The following ITFG2 variants were observed in gnomAD, a reference collection of about 807,000 sequenced individuals.
ITFG2 encodes KICSTOR complex protein ITFG2.
A neutral mutation model predicts 54.4 loss-of-function variants in ITFG2; 36 were observed. The observed-to-expected ratio is 0.66, with a 90% CI of 0.51 to 0.87. The LOEUF is 0.87. ITFG2 is among the 40% of genes least tolerant of loss of function. The probability of loss-of-function intolerance (pLI) is 0.00; values close to 1 mark genes in which losing one functional copy is unlikely to be tolerated. For missense variants in ITFG2, 524 were observed against 576.7 expected (o/e 0.91, Z 0.94); for synonymous variants, 211 against 225.4 (o/e 0.94, Z 0.57).
downstream of ITFG2, chr12:2,826,241 C>G (rs2153925457): frequency 1.3e-5 from 2 of 150,758 alleles, no homozygotes; most frequent in South Asian, 4.2e-4. Flanking sequence ...TTTGCTTTGG[C>G]AAAGCCTGGC....
chr12:2,855,958 C>T (rs953848950), intron 2 of ITFG2, among the ~76,000 whole-genome samples: 2 of 152,088 alleles, frequency 1.3e-5, no homozygotes, highest in Non-Finnish European at 2.9e-5. Context: ...CTCATTTGTC[C>T]GTCACTGACG....
downstream of ITFG2, chr12:2,828,487 C>G (rs1045555397): frequency 4.4e-6 from 5 of 1,143,126 alleles, no homozygotes; most frequent in African/African-American, 7.8e-5. Flanking sequence ...TTCAGTTTCC[C>G]AGCCCATTGA....
chr12:2,852,688 G>T (rs2098074879), intron 2 of ITFG2, among the ~76,000 whole-genome samples: 1 of 152,068 alleles, frequency 6.6e-6, no homozygotes, highest in African/African-American at 2.4e-5. Flanking sequence ...GACCTGTCCA[G>T]CTCAGATAGC....
downstream of ITFG2, chr12:2,826,414 C>T (rs1013601585): frequency 2.6e-5 from 4 of 151,856 alleles, no homozygotes; most frequent in African/African-American, 7.3e-5. Flanking sequence ...TCCTGTCTGC[C>T]TCACAGGAGC....
intron 2 of ITFG2, among the ~76,000 whole-genome samples, chr12:2,848,404 AC>A (rs1038725629): frequency 3.3e-5 from 5 of 151,898 alleles, no homozygotes; most frequent in African/African-American, 1.2e-4. Context: ...CCTCTACTTT[AC>A]CCCTGGTCTT....
At chr12:2,849,199 G>A in intron 2 of ITFG2, 2 of 1,515,648 alleles carry the variant, frequency 1.3e-6, no homozygotes, top group Non-Finnish European at 1.8e-6. Flanking sequence ...CTGGGGCTCT[G>A]GGTATCACGA....
intron 1 of ITFG2, among the ~76,000 whole-genome samples, chr12:2,837,974 G>A (rs1394945755): frequency 2.0e-5 from 3 of 152,278 alleles, no homozygotes; most frequent in Admixed American, 6.5e-5. Flanking sequence ...TGATAAACAC[G>A]GAAAGAAAAC....
chr12:2,849,552 CAG>C, intron 2 of ITFG2: 1 of 1,535,586 alleles, frequency 6.5e-7, no homozygotes, highest in Non-Finnish European at 8.7e-7. Flanking sequence ...ATGGAGAGAA[CAG>C]AGAGATCAAA....
At chr12:2,819,991 T>G (rs1603482951) in intron 4 of ITFG2, 95 bp from the exon 5 acceptor site, 1 of 1,466,390 alleles carries the variant, frequency 6.8e-7, no homozygotes, top group Non-Finnish European at 9.1e-7. Flanking sequence ...GCAGATCGGG[T>G]GTGAAGCCGC....
At chr12:2,815,568 A>G (rs1055576793) in intron 1 of ITFG2, among the ~76,000 whole-genome samples, 1 of 152,274 alleles carries the variant, frequency 6.6e-6, no homozygotes, top group Non-Finnish European at 1.5e-5. Context: ...GAAGGCCCCA[A>G]GAGTTCACAT....
chr12:2,830,942 C>T, downstream of ITFG2: 1 of 1,470,800 alleles, frequency 6.8e-7, no homozygotes, highest in East Asian at 2.3e-5. Context: ...TTAGATACCC[C>T]AGGATGCTCC....
At chr12:2,820,944 T>C in intron 6 of ITFG2, 72 bp downstream of exon 6, 1 of 1,517,036 alleles carries the variant, frequency 6.6e-7, no homozygotes, top group Non-Finnish European at 9.1e-7. Flanking sequence ...TGCCACATGG[T>C]AGTAAAATGG....
intron 5 of ITFG2, among the ~76,000 whole-genome samples, 173 bp downstream of exon 5, chr12:2,820,398 A>G (rs1348753277): frequency 6.6e-6 from 1 of 152,150 alleles, no homozygotes; most frequent in Non-Finnish European, 1.5e-5. Context: ...GGAAATTGCT[A>G]GTAACAGGCA....
In ITFG2 at chr12:2,845,444, C is replaced by T. The variant is rs975163004; in HGVS notation, n.300+4449C>T. Among the ~76,000 whole-genome samples the T allele has an allele frequency of 6.6e-6, 1 of 152,170 alleles. No individual in the cohort carries two copies. The highest frequency in any genetic ancestry group is 2.4e-5 in the African/African-American group (1 of 41,448). ...CGACTCCCTGGCCCCAGCCATTCCT[C>T]AAGCTCCCAGCAGCTCAGGAACTTG... On this transcript the variant is annotated intron_variant and non_coding_transcript_variant, in intron 2 of 3. Coordinates refer to the ITFG2 transcript ENST00000537710. This position sits in a 1 kb window ranked among gnomAD's most constrained non-coding sequence, Gnocchi z 4.2.
intron 2 of ITFG2, among the ~76,000 whole-genome samples, chr12:2,851,464 T>C (rs553618922): frequency 3.7e-4 from 56 of 152,200 alleles, no homozygotes; most frequent in African/African-American, 1.1e-3. Context: ...TGCCTCAGCC[T>C]CCCGAGTAGC....
intron 1 of ITFG2, among the ~76,000 whole-genome samples, chr12:2,815,327 G>T (rs2097919029): frequency 6.6e-6 from 1 of 152,234 alleles, no homozygotes; most frequent in Admixed American, 6.5e-5. Flanking sequence ...CGGAAGTGGG[G>T]TTTGAAGCCA....
In ITFG2 at chr12:2,816,546, G is replaced by A. The variant is rs553799491; in HGVS notation, c.97-677G>A. On this transcript the variant is annotated intron_variant, in intron 1 of 11. Transcript: ENST00000228799. ...GGGTTTCACTGTGTTAGCTAGGATG[G>A]TCTCAATCTCCTGACCTCATGATCC... Among the ~76,000 whole-genome samples the A allele has an allele frequency of 1.4e-3, 210 of 151,446 alleles. 1 individual carries two copies. The highest frequency in any genetic ancestry group is 4.7e-3 in the African/African-American group (195 of 41,224).
intron 2 of ITFG2, chr12:2,855,018 CTTCTTCCTT>C: frequency 1.3e-6 from 2 of 1,536,162 alleles, no homozygotes; most frequent in Admixed American, 3.9e-5. Context: ...AAATCACCTG[CTTCTTCCTT>C]TTCATGTCCA....
At position 2,842,629 on chromosome 12, in the gene ITFG2, G is replaced by T. The variant is rs1003616302; in HGVS notation, n.300+1634G>T. ...CGCCTGTAGTTCCAGCTACTCGGGAGGCTGAGGCAGGAGAATTGCTTGAGC... is the reference window on the plus strand; with the variant it reads ...CGCCTGTAGTTCCAGCTACTCGGGATGCTGAGGCAGGAGAATTGCTTGAGC... On this transcript the variant is annotated intron_variant and non_coding_transcript_variant, in intron 2 of 3. Coordinates refer to the ITFG2 transcript ENST00000537710. Among the ~76,000 whole-genome samples the T allele has an allele frequency of 2.6e-5, 4 of 152,188 alleles. No homozygotes were observed. The East Asian group carries it at 5.9e-4, about 22-fold the overall frequency.
Sources: gnomAD v4.1 joint callset for allele counts (sites outside exome capture counted in the v4.1 genomes callset) on GRCh38, gnomAD v4.1.1 for gene constraint, Gnocchi (gnomAD v3.1) non-coding constraint, MANE v1.5 for transcripts, NCBI Gene and HGNC (gene_info 2026-07-23, HGNC 2026-07-21) for gene names.